Variants in MMP15 observed in about 807,000 individuals in gnomAD.
The protein encoded by MMP15 is matrix metallopeptidase 15.
Under a neutral mutation model 65.0 loss-of-function variants are expected in MMP15, and 36 were observed. The ratio of observed to expected loss-of-function variants is 0.55; its 90% CI spans 0.42 to 0.73. The LOEUF is 0.73. Among genes scored for constraint, MMP15 ranks in the 30% least tolerant of loss-of-function variants. MMP15 has a pLI of 0.00. For synonymous variants in MMP15, 428 were observed against 410.2 expected (o/e 1.04, Z -0.52); for missense variants, 870 against 987.8 (o/e 0.88, Z 1.60).
chr16:58,026,473 C>A lies in MMP15; in HGVS notation c.123C>A (p.Gly41=). 1 of 1,407,252 alleles carries A rather than the reference C, an allele frequency of 7.1e-7. No individual in the cohort carries two copies. The highest frequency in any genetic ancestry group is 1.5e-5 in the South Asian group (1 of 67,018). The allele number at this position is 1,407,252 out of a possible 1,614,324, so 87.2% of individuals were successfully genotyped here. A position where few individuals can be genotyped will look rare whatever the true frequency, so the allele number is the denominator to read the frequency against. Residue 41 remains glycine (G), a synonymous_variant, in exon 1 of 10, where the codon GGC becomes GGA. Coordinates refer to ENST00000219271, the MANE Select transcript of MMP15 (RefSeq NM_002428.4). The part of the protein sequence containing the change: ...PLLLVLLGCL[G]LGVAAEDAEV... ...TCCTGGTGCTTCTGGGCTGCCTGGG[C>A]CTTGGCGTAGCGGCCGAAGACGCGG...
chr16:58,034,368 G>A lies in MMP15; in HGVS notation c.163-3104G>A, dbSNP rs1199979009. On this transcript the variant is annotated intron_variant, in intron 1 of 9. Transcript: ENST00000219271. ...CCTCTGGCCCCACCCCCGCGTCCCC[G>A]CCCCCTGCTGTCTCTTCCCTCCTGT... is the stretch of plus-strand genomic sequence containing the variant. Among the ~76,000 whole-genome samples the A allele has an allele frequency of 7.9e-5, 5 of 63,614 alleles. No homozygotes were observed. The South Asian group carries it at 1.7e-3, about 22-fold the overall frequency. The allele number at this position is 63,614 out of a possible 152,430, so 41.7% of individuals were successfully genotyped here.
At chr16:58,026,638 G>A (rs1055363024) in intron 1 of MMP15, 126 bp downstream of exon 1, 2 of 1,089,976 alleles carry the variant, frequency 1.8e-6, no homozygotes, top group African/African-American at 3.3e-5. Flanking sequence ...CCGTGGCGGG[G>A]AAGCAAGCGG....
At chr16:58,031,844 C>T (rs13331766) in intron 1 of MMP15, among the ~76,000 whole-genome samples, 1,836 of 140,744 alleles carry the variant, frequency 0.013, 39 homozygotes, top group African/African-American at 0.047. Flanking sequence ...GGACCTGGCT[C>T]GATGCCGCCT....
intron 6 of MMP15, 87 bp downstream of exon 6, chr16:58,041,957 G>C: frequency 6.9e-7 from 1 of 1,451,108 alleles, no homozygotes; most frequent in Non-Finnish European, 9.2e-7. Flanking sequence ...GCAGGCCCCG[G>C]GGAGCCATTA....
At position 58,042,311 on chromosome 16, in the gene MMP15, G is replaced by A. The variant is rs1232521186; in HGVS notation, c.1245G>A (p.Leu415=). ...CCATCGGGCACTTCTGGCGTGGTCTGCCCGGTGACATCAGTGCTGCCTACG... is the reference window on the plus strand; with the variant it reads ...CCATCGGGCACTTCTGGCGTGGTCTACCCGGTGACATCAGTGCTGCCTACG... ...PMPIGHFWRG[L]PGDISAAYER... is the part of the protein sequence containing the mutation. The change falls in exon 7 of 10, where the codon CTG becomes CTA. Residue 415 remains leucine (L), a synonymous_variant. Transcript: ENST00000219271. 1 of 1,614,250 alleles carries A rather than the reference G, an allele frequency of 6.2e-7. No individual in the cohort carries two copies. The highest frequency in any genetic ancestry group is 2.2e-5 in the East Asian group (1 of 44,892).
At chr16:58,031,241 G>A (rs969133220) in intron 1 of MMP15, among the ~76,000 whole-genome samples, 9 of 152,194 alleles carry the variant, frequency 5.9e-5, no homozygotes, top group Non-Finnish European at 7.3e-5. Flanking sequence ...ACCCCCATGC[G>A]GGGTTGAAGG....
intron 1 of MMP15, among the ~76,000 whole-genome samples, chr16:58,037,052 T>C (rs754640754): frequency 6.6e-6 from 1 of 152,148 alleles, no homozygotes; most frequent in Admixed American, 6.5e-5. Flanking sequence ...AAAATGAGGA[T>C]GAAAGCCTCT....
At chr16:58,035,765 G>T (rs971635626) in intron 1 of MMP15, among the ~76,000 whole-genome samples, 1 of 152,160 alleles carries the variant, frequency 6.6e-6, no homozygotes, top group African/African-American at 2.4e-5. Flanking sequence ...GCTGTTTCCC[G>T]GGTCCTGAGA....
rs924032200 is a variant in MMP15 at position 58,046,806 on chromosome 16, G to A, written c.*1360G>A. ...CTTCTGCCCCCTGCAGAACCGGAGA[G>A]CCAGCTAAGGGGTGGGGCTGCGGGG... On this transcript the variant is annotated 3_prime_UTR_variant, in exon 10 of 10. Coordinates refer to ENST00000219271, the MANE Select transcript of MMP15 (RefSeq NM_002428.4). 6.5e-6 allele frequency: 1 copy of A among 152,708 alleles called. No individual in the cohort carries two copies. The highest frequency in any genetic ancestry group is 2.4e-5 in the African/African-American group (1 of 41,466). 9.5% of individuals were successfully genotyped at this position (152,708 alleles called of 1,614,324 possible).
chr16:58,026,479 C>A lies in MMP15; in HGVS notation c.129C>A (p.Gly43=). 2 of 1,393,990 alleles carry A rather than the reference C, an allele frequency of 1.4e-6. No homozygotes were observed. Among genetic ancestry groups the A allele is most frequent in the Non-Finnish European group, 1.9e-6 (2 of 1,072,610 alleles). 86.4% of individuals were successfully genotyped at this position (1,393,990 alleles called of 1,614,324 possible). The change falls in exon 1 of 10, where the codon GGC becomes GGA. Residue 43 remains glycine (G), a synonymous_variant. Coordinates refer to ENST00000219271, the MANE Select transcript of MMP15 (RefSeq NM_002428.4). ...LLVLLGCLGL[G]VAAEDAEVHA... is the part of the protein sequence containing the mutation. ...TGCTTCTGGGCTGCCTGGGCCTTGG[C>A]GTAGCGGCCGAAGACGCGGAGGTCC...
intron 4 of MMP15, 126 bp downstream of exon 4, chr16:58,040,308 A>G: frequency 9.3e-7 from 1 of 1,070,582 alleles, no homozygotes; most frequent in South Asian, 1.6e-5. Flanking sequence ...TTGTCTCCAG[A>G]TCACTACACT....
intron 2 of MMP15, 99 bp from the exon 3 acceptor site, chr16:58,038,167 G>A (rs1959373794): frequency 2.6e-6 from 4 of 1,512,952 alleles, no homozygotes; most frequent in African/African-American, 1.4e-5. Context: ...CATAGGAGGG[G>A]CGGCTGGGAA....
chr16:58,041,926 C>T (rs1959466266), intron 6 of MMP15, 56 bp downstream of exon 6: 1 of 1,520,308 alleles, frequency 6.6e-7, no homozygotes, highest in African/African-American at 1.4e-5. Flanking sequence ...TGCTCTGGGC[C>T]CCCTGTCCCA....
intron 1 of MMP15, among the ~76,000 whole-genome samples, chr16:58,031,006 A>G (rs775003263): frequency 4.6e-5 from 7 of 152,172 alleles, no homozygotes; most frequent in African/African-American, 7.2e-5. Flanking sequence ...GAGCACCTTC[A>G]ACATACTTGT....
chr16:58,036,224 A>G (rs2142326824), intron 1 of MMP15, among the ~76,000 whole-genome samples: 1 of 152,280 alleles, frequency 6.6e-6, no homozygotes, highest in East Asian at 1.9e-4. Context: ...GCCTCTGCTC[A>G]CTGCCTCCCA....
At chr16:58,031,518 G>A (rs903360466) in intron 1 of MMP15, among the ~76,000 whole-genome samples, 2 of 152,144 alleles carry the variant, frequency 1.3e-5, no homozygotes, top group South Asian at 2.1e-4. Flanking sequence ...AGCCAGGCCC[G>A]AAACTCCTGG....
Position 58,045,802 on chromosome 16 carries a change from A to G in MMP15, c.*356A>G, listed in dbSNP as rs967055991. ...TCCTCAGCCTGAACCCCAGGGCTGTAACTGCCAGGCTCTCTTTGCCCAGTT... is the reference window on the plus strand; with the variant it reads ...TCCTCAGCCTGAACCCCAGGGCTGTGACTGCCAGGCTCTCTTTGCCCAGTT... On this transcript the variant is annotated 3_prime_UTR_variant, in exon 10 of 10. Transcript: ENST00000219271. 2.0e-5 allele frequency: 5 copies of G among 251,214 alleles called. No individual in the cohort carries two copies. Among genetic ancestry groups the G allele is most frequent in the African/African-American group, 6.8e-5 (3 of 43,828 alleles). The allele number at this position is 251,214 out of a possible 1,614,324, so 15.6% of individuals were successfully genotyped here. A position where few individuals can be genotyped will look rare whatever the true frequency, so the allele number is the denominator to read the frequency against.
intron 5 of MMP15, 73 bp downstream of exon 5, chr16:58,040,771 G>A: frequency 1.3e-6 from 2 of 1,597,426 alleles, no homozygotes; most frequent in Admixed American, 3.3e-5. Flanking sequence ...AGGCATTGCT[G>A]CCATCCCCAT....
chr16:58,035,428 T>A (rs1959311090), intron 1 of MMP15, among the ~76,000 whole-genome samples: 1 of 152,156 alleles, frequency 6.6e-6, no homozygotes, highest in African/African-American at 2.4e-5. Flanking sequence ...TCAGCCTTCT[T>A]GGTCAATGAT....
Sources: allele counts gnomAD v4.1 joint callset (sites outside exome capture counted in the v4.1 genomes callset), GRCh38; gene constraint gnomAD v4.1.1; transcripts MANE v1.5; gene names NCBI Gene and HGNC (gene_info 2026-07-23, HGNC 2026-07-21).